Variants in TOPAZ1 observed in about 807,000 individuals in gnomAD.
The protein encoded by TOPAZ1 is testis and ovary specific TOPAZ 1, also known as protein TOPAZ1.
Under a neutral mutation model 172.2 loss-of-function variants are expected in TOPAZ1, and 66 were observed. The ratio of observed to expected loss-of-function variants is 0.38; its 90% confidence interval spans 0.31 to 0.47. The LOEUF (loss-of-function observed/expected upper bound fraction) is 0.47, where lower values mean the gene tolerates loss of function less well. TOPAZ1 is among the 20% of genes least tolerant of loss of function. The pLI, the probability that TOPAZ1 is intolerant of heterozygous loss-of-function variation, is 0.99. For missense variants in TOPAZ1, 1,822 were observed against 1,972.4 expected (o/e 0.92, Z 1.44); for synonymous variants, 681 against 683.9 (o/e 1.00, Z 0.07).
At chr3:44,285,565 TC>T (rs1700068980) in intron 9 of TOPAZ1, among the ~76,000 whole-genome samples, 1 of 112,942 alleles carries the variant, frequency 8.9e-6, no homozygotes, top group Non-Finnish European at 1.9e-5. Flanking sequence ...CAAGAAGGTA[TC>T]ATTATTTGTT....
At chr3:44,257,467 A>AGTGTGTG (rs1185779331) in intron 4 of TOPAZ1, among the ~76,000 whole-genome samples, 7 of 106,050 alleles carry the variant, frequency 6.6e-5, no homozygotes, top group African/African-American at 2.1e-4. Context: ...ATATATATAT[A>AGTGTGTG]TAGTGTGTGT....
At chr3:44,253,562 G>T (rs557199382) in intron 2 of TOPAZ1, among the ~76,000 whole-genome samples, 8 of 152,280 alleles carry the variant, frequency 5.3e-5, no homozygotes, top group African/African-American at 1.9e-4. Flanking sequence ...AGCTGTATTG[G>T]GGAGGTGAAA....
chr3:44,324,990 G>A (rs958840202), intron 18 of TOPAZ1, among the ~76,000 whole-genome samples: 1 of 152,188 alleles, frequency 6.6e-6, no homozygotes, highest in African/African-American at 2.4e-5. Flanking sequence ...TTATGCAAGT[G>A]AGGTTACGGG....
At chr3:44,283,656 AT>A (rs1325613245) in intron 9 of TOPAZ1, among the ~76,000 whole-genome samples, 1 of 152,238 alleles carries the variant, frequency 6.6e-6, no homozygotes, top group Non-Finnish European at 1.5e-5. Flanking sequence ...GAAAATGGAA[AT>A]AATACAAACA....
At chr3:44,320,163 G>C (rs527674835) in intron 16 of TOPAZ1, among the ~76,000 whole-genome samples, 1 of 152,172 alleles carries the variant, frequency 6.6e-6, no homozygotes, top group East Asian at 1.9e-4. Flanking sequence ...TCTGAGGTCT[G>C]TTGGTTTGAG....
At chr3:44,335,132 A>G (rs890237413), downstream of TOPAZ1, among the ~76,000 whole-genome samples, 2 of 152,122 alleles carry the variant, frequency 1.3e-5, no homozygotes, top group African/African-American at 4.8e-5. Context: ...CCAGGGTACA[A>G]TCATCATAAC....
chr3:44,257,766 T>C (rs1478376734), intron 4 of TOPAZ1, among the ~76,000 whole-genome samples: 2 of 152,178 alleles, frequency 1.3e-5, no homozygotes, highest in Non-Finnish European at 2.9e-5. Flanking sequence ...GAATTTGATA[T>C]TGATAAAATA....
rs1699503507 is a variant in TOPAZ1, at chr3:44,242,926, A to G, written c.420A>G (p.Glu140=). ...CAGGGCTTGACTTGGTAAGAAAGGA[A>G]TCATTAACCAGTTCGGAATCTTTCC... ...PQPGLDLVRK[E]SLTSSESFQT... Residue 140 remains glutamate, a synonymous_variant, in exon 2 of 20, where the codon GAA becomes GAG. Coordinates refer to ENST00000309765, the MANE Select transcript of TOPAZ1 (RefSeq NM_001145030.2). The G allele has an allele frequency of 3.2e-6, 5 of 1,547,360 alleles. No individual in the cohort carries two copies. The highest frequency in any genetic ancestry group is 4.4e-6 in the Non-Finnish European group (5 of 1,146,072).
Position 44,304,065 on chromosome 3 carries a change from C to G in TOPAZ1, c.3848C>G (p.Ala1283Gly). Residue 1283 changes from alanine to glycine, a missense_variant, in exon 13 of 20, where the codon GCC becomes GGC. Physicochemically the swap from Ala to Gly is moderately conservative, Grantham distance 60 (BLOSUM62 0). Around this residue, in one of 2 missense-constraint regions of TOPAZ1, gnomAD observed 333 missense variants for 481.7 expected, o/e 0.69. Coordinates refer to ENST00000309765, the MANE Select transcript of TOPAZ1 (RefSeq NM_001145030.2). ...KKNWKCDLDS[A>G]LNKLEHCKEK... is the part of the protein sequence containing the mutation. ...AACTGGAAGTGTGATTTAGATTCAG[C>G]CTTGAATAAATTAGAGGTATGACAT... 6.5e-7 allele frequency: 1 copy of G among 1,531,228 alleles called. No individual in the cohort carries two copies. Among genetic ancestry groups the G allele is most frequent in the Non-Finnish European group, 8.8e-7 (1 of 1,130,850 alleles). 94.9% of individuals were successfully genotyped at this position (1,531,228 alleles called of 1,614,324 possible). A position where few individuals can be genotyped will look rare whatever the true frequency, so the allele number is the denominator to read the frequency against.
chr3:44,242,333 TCGTCAGACC>T lies in TOPAZ1; in HGVS notation c.283_291del (p.Ser95_Pro97del), dbSNP rs574059386. 4.5e-6 allele frequency: 7 copies of T among 1,552,164 alleles called. No homozygotes were observed. The South Asian group carries it at 8.3e-5, about 18-fold the overall frequency. On this transcript the variant is annotated inframe_deletion, in exon 1 of 20. Transcript: ENST00000309765. ...CAGGGGCCCGGTGAGCCCGTCAGAC[TCGTCAGACC>T]CGCGAGGCCTAGAAGCAGCAAAGGA...
At chr3:44,276,624 CTTTTTTTTTTTTTT>C (rs762865769) in intron 8 of TOPAZ1, among the ~76,000 whole-genome samples, 11 of 24,114 alleles carry the variant, frequency 4.6e-4, no homozygotes, top group South Asian at 3.1e-3. Flanking sequence ...CAGCTTTGTT[CTTTTTTTTTTTTTT>C]TTTTTTTTTT....
chr3:44,298,577 G>C (rs1700225630), intron 12 of TOPAZ1, among the ~76,000 whole-genome samples: 1 of 151,846 alleles, frequency 6.6e-6, no homozygotes. Context: ...AGAGACATAG[G>C]TCAAAGGAAC....
intron 9 of TOPAZ1, among the ~76,000 whole-genome samples, chr3:44,283,279 G>A (rs1700042525): frequency 3.9e-5 from 6 of 152,154 alleles, no homozygotes; most frequent in Admixed American, 3.3e-4. Flanking sequence ...AGATCAGTGG[G>A]AAATAATAGA....
chr3:44,246,738 C>G (rs566780877), intron 2 of TOPAZ1, among the ~76,000 whole-genome samples: 1 of 152,296 alleles, frequency 6.6e-6, no homozygotes, highest in Admixed American at 6.5e-5. Context: ...TTTGAATCTT[C>G]TTGTTACCAC....
chr3:44,256,229 C>T lies in TOPAZ1; in HGVS notation c.2906C>T (p.Thr969Ile). 6.5e-7 allele frequency: 1 copy of T among 1,536,144 alleles called. No individual in the cohort carries two copies. Among genetic ancestry groups the T allele is most frequent in the Non-Finnish European group, 8.8e-7 (1 of 1,142,648 alleles). Residue 969 changes from threonine to isoleucine, a missense_variant, in exon 4 of 20, where the codon ACA becomes ATA. Around this residue, in one of 2 missense-constraint regions of TOPAZ1, gnomAD observed 1,489 missense variants for 1,490.8 expected, o/e 1.00. Transcript: ENST00000309765. ...EVANETSENE[T>I]LGDFSEQIKG... The stretch of plus-strand genomic sequence containing the variant: ...GCTAATGAGACCTCTGAAAATGAAA[C>T]ACTGGGAGACTTCAGTGAACAAATA...
Position 44,266,985 on chromosome 3 carries a change from C to T in TOPAZ1, c.3021-12C>T, listed in dbSNP as rs762289692. 26 of 1,514,666 alleles carry T rather than the reference C, an allele frequency of 1.7e-5. No homozygotes were observed. The highest frequency in any genetic ancestry group is 2.2e-5 in the Non-Finnish European group (25 of 1,129,892). 93.8% of individuals were successfully genotyped at this position (1,514,666 alleles called of 1,614,324 possible). On this transcript the variant is annotated splice_polypyrimidine_tract_variant and intron_variant, in intron 5 of 19. Coordinates refer to ENST00000309765, the MANE Select transcript of TOPAZ1 (RefSeq NM_001145030.2). ...CATTTAAATTCTGATGTTAATTTTT[C>T]CTTTCACACAGCAAAGATTCTAGAA...
At chr3:44,336,110 C>T (rs1451150008), downstream of TOPAZ1, among the ~76,000 whole-genome samples, 1 of 152,232 alleles carries the variant, frequency 6.6e-6, no homozygotes, top group East Asian at 1.9e-4. Context: ...TGGTCTGGAA[C>T]AGCCTGGTTA....
In TOPAZ1 at chr3:44,321,113, C is replaced by T. The variant is rs967966220; in HGVS notation, c.4393C>T (p.His1465Tyr). 6.4e-7 allele frequency: 1 copy of T among 1,550,862 alleles called. No homozygotes were observed. The highest frequency in any genetic ancestry group is 2.5e-5 in the East Asian group (1 of 40,804). Residue 1465 changes from histidine to tyrosine, a missense_variant, in exon 17 of 20, where the codon CAT becomes TAT. Physicochemically the swap from His to Tyr is moderately conservative, Grantham distance 83. Around this residue, in one of 2 missense-constraint regions of TOPAZ1, gnomAD observed 333 missense variants for 481.7 expected, o/e 0.69. Transcript: ENST00000309765. ...NRHNLLCTIA[H>Y]EILAKSLYRQ... ...ACATAATTTACTCTGTACAATTGCACATGAAATCTTAGCCAAGAGCCTTTA... is the reference window on the plus strand; with the variant it reads ...ACATAATTTACTCTGTACAATTGCATATGAAATCTTAGCCAAGAGCCTTTA...
At chr3:44,248,881 T>C (rs931921947) in intron 2 of TOPAZ1, among the ~76,000 whole-genome samples, 3 of 152,196 alleles carry the variant, frequency 2.0e-5, no homozygotes, top group East Asian at 1.9e-4. Flanking sequence ...TCAGACCAGA[T>C]TGGGGAGAAT....
Sources: gnomAD v4.1 joint callset for allele counts (sites outside exome capture counted in the v4.1 genomes callset) on GRCh38, gnomAD v4.1.1 for gene constraint, gnomAD v4.1.1 regional missense constraint, MANE v1.5 for transcripts, NCBI Gene and HGNC (gene_info 2026-07-23, HGNC 2026-07-21) for gene names.